The following PXN variants were observed in gnomAD, a reference collection of about 807,000 sequenced individuals.
PXN encodes testicular tissue protein Li 134.
A neutral mutation model predicts 103.6 loss-of-function variants in PXN; 61 were observed. The observed-to-expected ratio is 0.59, with a 90% CI of 0.48 to 0.73. The LOEUF is 0.73. Among genes scored for constraint, PXN ranks in the 30% least tolerant of loss-of-function variants. PXN has a pLI of 0.00. For missense variants in PXN, 1,274 were observed against 1,460.3 expected, an observed-to-expected ratio of 0.87 and a Z score of 2.08; for synonymous variants, 562 against 607.8, an observed-to-expected ratio of 0.92 and a Z score of 1.11.
At chr12:120,235,695 A>T (rs1328041969) in intron 1 of PXN, among the ~76,000 whole-genome samples, 1 of 152,160 alleles carries the variant, frequency 6.6e-6, no homozygotes. Context: ...CCTCTGCCTC[A>T]GGAGGGGTCT....
chr12:120,224,301 GGGGGTCT>G lies in PXN; in HGVS notation c.83_89del (p.Glu28AlafsTer37). On this transcript the variant is annotated frameshift_variant, in exon 2 of 15. Transcript: ENST00000637617. LOFTEE classifies it high-confidence loss of function. This position sits in a 1 kb window ranked among gnomAD's most constrained non-coding sequence, Gnocchi z 5.0. ...TGTGGTTTCCAGTTGGGTATGAGTAGGGGGTCTCCTCCGACAAGAACACAGGCCGTTT... is the reference window on the plus strand; with the variant it reads ...TGTGGTTTCCAGTTGGGTATGAGTAGCCTCCGACAAGAACACAGGCCGTTT... 1 of 1,613,964 alleles carries G rather than the reference GGGGGTCT, an allele frequency of 6.2e-7. No individual in the cohort carries two copies.
chr12:120,213,873 G>A lies in PXN; in HGVS notation c.2948C>T (p.Thr983Met), dbSNP rs201447644. The A allele has an allele frequency of 4.3e-5, 70 of 1,611,466 alleles. No homozygotes were observed. The highest frequency in any genetic ancestry group is 1.3e-4 in the African/African-American group (10 of 74,876). Residue 983 changes from threonine to methionine, a missense_variant, in exon 14 of 15, where the codon ACG becomes ATG. Thr to Met is a moderately conservative substitution (Grantham distance 81). Coordinates refer to ENST00000637617, the MANE Select transcript of PXN (RefSeq NM_001385981.1). The surrounding 1 kb of genome is among the most constrained non-coding windows in gnomAD (Gnocchi z 4.2). ...CACAAAGCACTCAGGATGCCACAGC[G>A]TGTTGAGGGCTGAGATATAGTTCTC... ...ILENYISALN[T>M]LWHPECFVCR...
chr12:120,256,710 T>C (rs1279371502), intron 1 of PXN, among the ~76,000 whole-genome samples: 3 of 151,980 alleles, frequency 2.0e-5, no homozygotes, highest in Non-Finnish European at 4.4e-5. Flanking sequence ...TCAATAGGGT[T>C]TTTTTTTGTT....
At chr12:120,232,599 G>A (rs962412892) in intron 1 of PXN, among the ~76,000 whole-genome samples, 2 of 152,160 alleles carry the variant, frequency 1.3e-5, no homozygotes, top group Admixed American at 1.3e-4. Flanking sequence ...GTTCTCAGCT[G>A]TTCCAAATCG....
Position 120,225,923 on chromosome 12 carries a change from C to G in PXN, c.14-1546G>C, listed in dbSNP as rs1886743550. 2.7e-6 allele frequency: 1 copy of G among 363,972 alleles called. No homozygotes were observed. Among genetic ancestry groups the G allele is most frequent in the Non-Finnish European group, 4.1e-6 (1 of 245,390 alleles). 22.5% of individuals were successfully genotyped at this position (363,972 alleles called of 1,614,324 possible). On this transcript the variant is annotated intron_variant, in intron 1 of 14. Transcript: ENST00000637617. The surrounding 1 kb of genome is among the most constrained non-coding windows in gnomAD (Gnocchi z 4.4). ...GCCACACCTACCCCATGCTCCTGCC[C>G]AGATGGACAGAGGGGATGTCTGTTC...
chr12:120,230,762 T>C (rs1013777951), intron 1 of PXN, among the ~76,000 whole-genome samples: 1 of 151,902 alleles, frequency 6.6e-6, no homozygotes, highest in Non-Finnish European at 1.5e-5. Context: ...GCTGGGTATA[T>C]TTATCCTGAT....
At chr12:120,235,338 G>T in intron 1 of PXN, among the ~76,000 whole-genome samples, 1 of 152,106 alleles carries the variant, frequency 6.6e-6, no homozygotes, top group Admixed American at 6.5e-5. Flanking sequence ...TCAGGAGGGG[G>T]TGAGGAGTGG....
rs773137589 is a variant in PXN, at chr12:120,213,920, G to A, written c.2901C>T (p.Gly967=). The change falls in exon 14 of 15, where the codon GGC becomes GGT. Residue 967 remains glycine (G), a synonymous_variant. Transcript: ENST00000637617. The surrounding 1 kb of genome is among the most constrained non-coding windows in gnomAD (Gnocchi z 4.2). ...DYFDMFAPKC[G]GCARAILENY... is the part of the protein sequence containing the mutation. ...TCTCCAGGATGGCCCGGGCGCAGCC[G>A]CCACACTTGGGTGCGAACATGTCGA... 1.2e-5 allele frequency: 19 copies of A among 1,611,752 alleles called. 1 individual carries two copies. The highest frequency in any genetic ancestry group is 1.4e-5 in the Non-Finnish European group (17 of 1,179,186).
Position 120,216,238 on chromosome 12 carries a change from G to T in PXN, c.2301+35C>A. Reference sequence around the variant, plus strand: ...GGGGGATGGCTCAGGCATTAGGACAGGGGACAGAAAGGGAGGGGCTCCTTT... The same window carrying T: ...GGGGGATGGCTCAGGCATTAGGACATGGGACAGAAAGGGAGGGGCTCCTTT... On this transcript the variant is annotated intron_variant, in intron 9 of 14. Coordinates refer to ENST00000637617, the MANE Select transcript of PXN (RefSeq NM_001385981.1). The surrounding 1 kb of genome is among the most constrained non-coding windows in gnomAD (Gnocchi z 5.1). 7.9e-7 allele frequency: 1 copy of T among 1,267,584 alleles called. No homozygotes were observed. Among genetic ancestry groups the T allele is most frequent in the Non-Finnish European group, 9.9e-7 (1 of 1,007,706 alleles). 78.5% of individuals were successfully genotyped at this position (1,267,584 alleles called of 1,614,324 possible). A position where few individuals can be genotyped will look rare whatever the true frequency, so the allele number is the denominator to read the frequency against.
At position 120,212,834 on chromosome 12, in the gene PXN, G is replaced by C. The variant is rs1301714657; in HGVS notation, c.2980-254C>G. On this transcript the variant is annotated intron_variant, in intron 14 of 14. Transcript: ENST00000637617. The surrounding 1 kb of genome is among the most constrained non-coding windows in gnomAD (Gnocchi z 7.2). The stretch of plus-strand genomic sequence containing the variant: ...GGCCTCCTGCAATCCTCCCACCTCG[G>C]CCTCCCACAGGGCTGGGATTATTTA... 5.1e-6 allele frequency: 2 copies of C among 393,904 alleles called. No homozygotes were observed. Among genetic ancestry groups the C allele is most frequent in the African/African-American group, 4.1e-5 (2 of 48,430 alleles). The allele number at this position is 393,904 out of a possible 1,614,324, so 24.4% of individuals were successfully genotyped here. A position where few individuals can be genotyped will look rare whatever the true frequency, so the allele number is the denominator to read the frequency against.
At chr12:120,264,206 T>G (rs1894317010) in intron 1 of PXN, 1 of 152,154 alleles carries the variant, frequency 6.6e-6, no homozygotes, top group African/African-American at 2.4e-5. Context: ...AAAAGGAAGC[T>G]GGAGGGAAGC....
rs1881131502 is a variant in PXN at position 120,213,437 on chromosome 12, A to C, written c.2979+405T>G. On this transcript the variant is annotated intron_variant, in intron 14 of 14. Coordinates refer to ENST00000637617, the MANE Select transcript of PXN (RefSeq NM_001385981.1). The surrounding 1 kb of genome is among the most constrained non-coding windows in gnomAD (Gnocchi z 4.2). ...AGTCCTGCAGGGAACAGTGTTTCCC[A>C]AACTCATTTGGTCAGAGAGCCCTTG... 6.6e-6 allele frequency among the ~76,000 whole-genome samples: 1 copy of C among 152,258 alleles called. No homozygotes were observed. Among genetic ancestry groups the C allele is most frequent in the Non-Finnish European group, 1.5e-5 (1 of 68,046 alleles).
intron 1 of PXN, among the ~76,000 whole-genome samples, chr12:120,231,466 A>G (rs1888035000): frequency 6.6e-6 from 1 of 152,142 alleles, no homozygotes; most frequent in Non-Finnish European, 1.5e-5. Context: ...CAGGAACTGC[A>G]TTTTACCCTT....
intron 1 of PXN, among the ~76,000 whole-genome samples, chr12:120,238,104 G>A (rs1360869860): frequency 1.3e-5 from 2 of 152,214 alleles, no homozygotes; most frequent in African/African-American, 2.4e-5. Context: ...GGAAGCAGAT[G>A]GAGCTGCAGA....
chr12:120,243,824 A>G (rs958698564), intron 1 of PXN, among the ~76,000 whole-genome samples: 1 of 152,188 alleles, frequency 6.6e-6, no homozygotes, highest in Non-Finnish European at 1.5e-5. Flanking sequence ...TTCTCCTATG[A>G]GAACACCTCA....
intron 1 of PXN, among the ~76,000 whole-genome samples, chr12:120,246,255 A>T (rs184631148): frequency 1.8e-4 from 27 of 151,508 alleles, no homozygotes; most frequent in Non-Finnish European, 2.5e-4. Context: ...GGCTGGGCAC[A>T]GTGGCTCATG....
Position 120,221,297 on chromosome 12 carries a change from CA to C in PXN, c.831+325del, listed in dbSNP as rs1365257717. ...CCCCCACCCAGAGCAGCCATCAACA[CA>C]AGGTTCTTTGTCCCAGCGTCCCAGC... On this transcript the variant is annotated intron_variant, in intron 6 of 14. Coordinates refer to ENST00000637617, the MANE Select transcript of PXN (RefSeq NM_001385981.1). The surrounding 1 kb of genome is among the most constrained non-coding windows in gnomAD (Gnocchi z 6.6). Among the ~76,000 whole-genome samples, 1 of 152,168 alleles carries C rather than the reference CA, an allele frequency of 6.6e-6. No homozygotes were observed. The highest frequency in any genetic ancestry group is 1.5e-5 in the Non-Finnish European group (1 of 68,028).
intron 1 of PXN, among the ~76,000 whole-genome samples, chr12:120,261,494 TTTG>T (rs979487481): frequency 6.6e-6 from 1 of 151,976 alleles, no homozygotes; most frequent in African/African-American, 2.4e-5. Flanking sequence ...CCCGGCAGAT[TTTG>T]TTATTATTAA....
rs1880397500 is a variant in PXN at position 120,212,241 on chromosome 12, G to A, written c.*73C>T. On this transcript the variant is annotated 3_prime_UTR_variant, in exon 15 of 15. Coordinates refer to ENST00000637617, the MANE Select transcript of PXN (RefSeq NM_001385981.1). This position sits in a 1 kb window ranked among gnomAD's most constrained non-coding sequence, Gnocchi z 7.2. ...GTCGGGTTTACCCCTTCACCCCCGG[G>A]TGAAGTCTCTAGGTCACAGTCGCAG... 7 of 1,555,896 alleles carry A rather than the reference G, an allele frequency of 4.5e-6. No individual in the cohort carries two copies. The highest frequency in any genetic ancestry group is 5.2e-6 in the Non-Finnish European group (6 of 1,151,786).
Sources: allele counts gnomAD v4.1 joint callset (sites outside exome capture counted in the v4.1 genomes callset), GRCh38; gene constraint gnomAD v4.1.1; non-coding constraint Gnocchi (gnomAD v3.1); transcripts MANE v1.5; gene names NCBI Gene and HGNC (gene_info 2026-07-23, HGNC 2026-07-21).